Variants in RALGPS1 observed in about 807,000 individuals in gnomAD.
RALGPS1 encodes the protein ras-specific guanine nucleotide-releasing factor RalGPS1.
A neutral mutation model predicts 78.8 loss-of-function variants in RALGPS1; 19 were observed. The observed-to-expected ratio is 0.24, with a 90% CI of 0.17 to 0.35. The LOEUF (loss-of-function observed/expected upper bound fraction) is 0.35, where lower values mean the gene tolerates loss of function less well. Ranked by LOEUF, RALGPS1 falls within the 10% of genes least tolerant of loss-of-function variation. The pLI is 1.00. For missense variants in RALGPS1, 454 were observed against 688.3 expected, an observed-to-expected ratio of 0.66 and a Z score of 3.81; for synonymous variants, 228 against 256.3, an observed-to-expected ratio of 0.89 and a Z score of 1.06.
chr9:127,106,575 T>C (rs1178943038), intron 8 of RALGPS1, among the ~76,000 whole-genome samples: 1 of 152,190 alleles, frequency 6.6e-6, no homozygotes, highest in East Asian at 1.9e-4. Flanking sequence ...TTGCCTAATG[T>C]CCCAGAGCTA....
chr9:126,952,529 C>T (rs1407116142), intron 1 of RALGPS1, among the ~76,000 whole-genome samples: 1 of 152,048 alleles, frequency 6.6e-6, no homozygotes, highest in African/African-American at 2.4e-5. Context: ...ACAAGGGGGC[C>T]TTTCTTGAAC....
At chr9:127,170,397 T>TA (rs760741964) in intron 10 of RALGPS1, among the ~76,000 whole-genome samples, 2 of 152,220 alleles carry the variant, frequency 1.3e-5, no homozygotes, top group Non-Finnish European at 2.9e-5. Context: ...AACATAGACA[T>TA]AATGCTTTTA....
chr9:127,161,513 T>C (rs1280378315), intron 8 of RALGPS1, among the ~76,000 whole-genome samples: 1 of 152,158 alleles, frequency 6.6e-6, no homozygotes, highest in East Asian at 1.9e-4. Flanking sequence ...GCTTGTCATG[T>C]GGCAGAGCTG....
At chr9:126,990,630 G>A (rs973437546) in intron 4 of RALGPS1, among the ~76,000 whole-genome samples, 2 of 152,234 alleles carry the variant, frequency 1.3e-5, no homozygotes, top group South Asian at 2.1e-4. Context: ...CTCTGCCTCC[G>A]GGAGATGATG....
chr9:127,145,294 C>T (rs1417416534), intron 8 of RALGPS1, among the ~76,000 whole-genome samples: 2 of 152,168 alleles, frequency 1.3e-5, no homozygotes, highest in Non-Finnish European at 2.9e-5. Context: ...TGCTCTTATT[C>T]TCCCTGTTTT....
intron 1 of RALGPS1, among the ~76,000 whole-genome samples, chr9:126,915,627 C>T (rs1024488420): frequency 6.6e-6 from 1 of 152,142 alleles, no homozygotes; most frequent in Non-Finnish European, 1.5e-5. Flanking sequence ...TCCGGGCCTG[C>T]CTGTGCCTCT....
At position 127,195,077 on chromosome 9, in the gene RALGPS1, T is replaced by C. The variant is rs373497284; in HGVS notation, c.911-14T>C. 89 of 1,612,844 alleles carry C rather than the reference T, an allele frequency of 5.5e-5. No individual in the cohort carries two copies. Among genetic ancestry groups the C allele is most frequent in the Non-Finnish European group, 7.0e-5 (83 of 1,179,720 alleles). On this transcript the variant is annotated splice_polypyrimidine_tract_variant and intron_variant, in intron 11 of 18. Transcript: ENST00000259351. ...TCATAACCCCCGTTGTTGCTCTCTC[T>C]GCTCTGTTTGCAGGTCCCTCTGCTG...
At chr9:126,978,458 T>A (rs1332871283) in intron 4 of RALGPS1, among the ~76,000 whole-genome samples, 2 of 151,890 alleles carry the variant, frequency 1.3e-5, no homozygotes, top group East Asian at 1.9e-4. Flanking sequence ...TGTGTGTGCG[T>A]GTGAGATCAG....
chr9:126,955,642 A>G (rs1401502032), intron 1 of RALGPS1, among the ~76,000 whole-genome samples: 1 of 152,146 alleles, frequency 6.6e-6, no homozygotes, highest in East Asian at 1.9e-4. Context: ...ATTTTAATAT[A>G]ATTTTTTGGT....
chr9:127,089,880 G>A (rs974198724), intron 8 of RALGPS1, among the ~76,000 whole-genome samples: 1 of 152,246 alleles, frequency 6.6e-6, no homozygotes, highest in Non-Finnish European at 1.5e-5. Context: ...ATTGCTCTTA[G>A]TGAAGGGGGG....
At chr9:126,963,110 G>A (rs2039067381) in intron 2 of RALGPS1, among the ~76,000 whole-genome samples, 1 of 152,216 alleles carries the variant, frequency 6.6e-6, no homozygotes, top group South Asian at 2.1e-4. Flanking sequence ...TGTTGCTGCA[G>A]CAGAATTGTC....
Position 127,222,172 on chromosome 9 carries a change from C to G in RALGPS1, c.*3403C>G, listed in dbSNP as rs2062789643. 1 of 152,252 alleles carries G rather than the reference C, an allele frequency of 6.6e-6. No homozygotes were observed. The highest frequency in any genetic ancestry group is 2.4e-5 in the African/African-American group (1 of 41,446). The allele number at this position is 152,252 out of a possible 1,614,324, so 9.4% of individuals were successfully genotyped here. On this transcript the variant is annotated 3_prime_UTR_variant, in exon 19 of 19. Coordinates refer to ENST00000259351, the MANE Select transcript of RALGPS1 (RefSeq NM_014636.3). ...TGATCCCTGCCCTCATGGACCTGAC[C>G]ACTCAACAAACAGTCCCCACCACAC...
At chr9:127,208,885 G>A (rs2062080999) in intron 14 of RALGPS1, among the ~76,000 whole-genome samples, 2 of 152,196 alleles carry the variant, frequency 1.3e-5, no homozygotes, top group African/African-American at 4.8e-5. Context: ...AGGTAGCCAC[G>A]CTGGCCACCA....
rs144232387 is a variant in RALGPS1 at position 127,014,633 on chromosome 9, C to T, written c.217-19798C>T. 4.5e-4 allele frequency among the ~76,000 whole-genome samples: 69 copies of T among 152,268 alleles called. 1 individual carries two copies. The East Asian group carries it at 0.012, about 27-fold the overall frequency. On this transcript the variant is annotated intron_variant, in intron 4 of 18. Transcript: ENST00000259351. ...AATGGAGACTTACCCTGTGGTCCCTCTTGCAGTCTGCCTTGCTGCATACTG... is the reference window on the plus strand; with the variant it reads ...AATGGAGACTTACCCTGTGGTCCCTTTTGCAGTCTGCCTTGCTGCATACTG...
Position 127,183,929 on chromosome 9 carries a change from T to G in RALGPS1, c.910+9147T>G. On this transcript the variant is annotated intron_variant, in intron 11 of 18. Coordinates refer to ENST00000259351, the MANE Select transcript of RALGPS1 (RefSeq NM_014636.3). The surrounding 1 kb of genome is among the most constrained non-coding windows in gnomAD (Gnocchi z 4.0). ...AGAAGAGGCAAGACTCAAACCCACC[T>G]CTGGCCAACACCCTGCCTGGATGTG... The G allele has an allele frequency of 6.4e-7, 1 of 1,550,424 alleles. No individual in the cohort carries two copies. Among genetic ancestry groups the G allele is most frequent in the Non-Finnish European group, 8.7e-7 (1 of 1,146,984 alleles).
Position 127,195,154 on chromosome 9 carries a change from T to C in RALGPS1, c.974T>C (p.Val325Ala), listed in dbSNP as rs748654995. 1.2e-6 allele frequency: 2 copies of C among 1,613,286 alleles called. No homozygotes were observed. The highest frequency in any genetic ancestry group is 1.7e-5 in the Admixed American group (1 of 60,022). ...SRRPTCPDTSVAGSLPTPPVP... is the reference protein window; with the variant it reads ...SRRPTCPDTSAAGSLPTPPVP... Reference sequence around the variant, plus strand: ...AGGCCCACCTGTCCTGACACATCTGTTGCTGGCAGCCTCCCCACACCTCCA... The same window carrying C: ...AGGCCCACCTGTCCTGACACATCTGCTGCTGGCAGCCTCCCCACACCTCCA... Residue 325 changes from valine (V) to alanine (A), a missense_variant, in exon 12 of 19, where the codon GTT (valine) becomes GCT (alanine). Coordinates refer to ENST00000259351, the MANE Select transcript of RALGPS1 (RefSeq NM_014636.3).
In RALGPS1 at chr9:127,219,230, G is replaced by A. The variant is rs1203515940; in HGVS notation, c.*461G>A. ...GCTGCCTCAGATTTTGTACAACCCC[G>A]AAGCGTCCTCTGCGTGTGCGTGCTG... On this transcript the variant is annotated 3_prime_UTR_variant, in exon 19 of 19. Coordinates refer to ENST00000259351, the MANE Select transcript of RALGPS1 (RefSeq NM_014636.3). The surrounding 1 kb of genome is among the most constrained non-coding windows in gnomAD (Gnocchi z 5.0). The A allele has an allele frequency of 2.6e-5, 6 of 226,644 alleles. No individual in the cohort carries two copies. The highest frequency in any genetic ancestry group is 2.2e-4 in the East Asian group (2 of 9,146). The allele number at this position is 226,644 out of a possible 1,614,324, so 14.0% of individuals were successfully genotyped here.
At chr9:126,924,506 A>C (rs1288830955) in intron 1 of RALGPS1, among the ~76,000 whole-genome samples, 1 of 152,222 alleles carries the variant, frequency 6.6e-6, no homozygotes, top group African/African-American at 2.4e-5. Flanking sequence ...ATGAATATGA[A>C]GTCAGAATGC....
chr9:127,015,669 TG>T (rs1444997375), intron 4 of RALGPS1, among the ~76,000 whole-genome samples: 1 of 152,184 alleles, frequency 6.6e-6, no homozygotes, highest in African/African-American at 2.4e-5. Context: ...GTTGCCTCTT[TG>T]GTATCTGATC....
Sources: gnomAD v4.1 joint callset for allele counts (sites outside exome capture counted in the v4.1 genomes callset) on GRCh38, gnomAD v4.1.1 for gene constraint, Gnocchi (gnomAD v3.1) non-coding constraint, MANE v1.5 for transcripts, NCBI Gene and HGNC (gene_info 2026-07-23, HGNC 2026-07-21) for gene names.